Variants in EFCAB5 observed in about 807,000 individuals in gnomAD.
EFCAB5 encodes the protein EF-hand calcium binding domain 5, also known as EF-hand calcium-binding domain-containing protein 5.
In EFCAB5, 131 loss-of-function variants were observed where a neutral mutation model predicts 167.9. The ratio of observed to expected loss-of-function variants is 0.78; its 90% CI spans 0.68 to 0.90. EFCAB5 has a LOEUF of 0.90. Ranked by LOEUF, EFCAB5 falls within the 40% of genes least tolerant of loss-of-function variation. EFCAB5 has a pLI of 0.00. For missense variants in EFCAB5, 1,663 were observed against 1,745.2 expected, an observed-to-expected ratio of 0.95 and a Z score of 0.84; for synonymous variants, 574 against 602.8, an observed-to-expected ratio of 0.95 and a Z score of 0.70.
intron 4 of EFCAB5, among the ~76,000 whole-genome samples, chr17:29,974,620 G>T (rs2068027567): frequency 2.6e-5 from 4 of 151,730 alleles, no homozygotes; most frequent in African/African-American, 9.7e-5. Context: ...AAAAAAACAG[G>T]GATTAAATCC....
intron 3 of EFCAB5, among the ~76,000 whole-genome samples, chr17:29,955,699 G>A (rs1432267905): frequency 6.6e-6 from 1 of 152,096 alleles, no homozygotes; most frequent in Non-Finnish European, 1.5e-5. Context: ...TCATGCTCAT[G>A]TATTGGAAGA....
chr17:30,054,258 A>G (rs535010719), intron 10 of EFCAB5, 110 bp downstream of exon 10: 2 of 1,371,016 alleles, frequency 1.5e-6, no homozygotes, highest in South Asian at 1.6e-5. Flanking sequence ...GGCATATCAG[A>G]TCATGCAAAC....
At chr17:29,930,213 A>C (rs1032891475) in intron 1 of EFCAB5, 4 of 554,052 alleles carry the variant, frequency 7.2e-6, no homozygotes, top group Non-Finnish European at 1.3e-5. Flanking sequence ...GCGGTTCCGC[A>C]GCTGCGGGGC....
upstream of EFCAB5, among the ~76,000 whole-genome samples, chr17:29,939,874 A>G (rs1222372347): frequency 6.6e-6 from 1 of 152,196 alleles, no homozygotes; most frequent in African/African-American, 2.4e-5. Context: ...GAATTCTTCA[A>G]ACACTTTTTG....
intron 18 of EFCAB5, among the ~76,000 whole-genome samples, chr17:30,084,410 C>T (rs1313226502): frequency 6.6e-6 from 1 of 152,160 alleles, no homozygotes; most frequent in Non-Finnish European, 1.5e-5. Flanking sequence ...ATGGAAAAGC[C>T]AAAATAGCCC....
chr17:30,056,002 T>C, intron 11 of EFCAB5, 37 bp downstream of exon 11: 6 of 1,613,266 alleles, frequency 3.7e-6, no homozygotes, highest in Non-Finnish European at 5.1e-6. Flanking sequence ...ATTTATACCC[T>C]AGAACAAAAA....
At chr17:30,047,652 A>G (rs1300723996) in intron 8 of EFCAB5, among the ~76,000 whole-genome samples, 2 of 152,224 alleles carry the variant, frequency 1.3e-5, no homozygotes, top group African/African-American at 4.8e-5. Flanking sequence ...AATTACCATA[A>G]TGAACAGTGG....
At chr17:29,935,674 C>A (rs2067238700) in intron 1 of EFCAB5, among the ~76,000 whole-genome samples, 1 of 148,972 alleles carries the variant, frequency 6.7e-6, no homozygotes, top group East Asian at 2.0e-4. Flanking sequence ...TCTGAGGTAT[C>A]ACAATGGTGA....
chr17:29,956,547 C>T lies in EFCAB5; in HGVS notation c.191-12244C>T, dbSNP rs1207881188. 9.2e-5 allele frequency among the ~76,000 whole-genome samples: 14 copies of T among 152,234 alleles called. 1 individual carries two copies. The East Asian group carries it at 2.7e-3, about 29-fold the overall frequency. On this transcript the variant is annotated intron_variant, in intron 3 of 22. Coordinates refer to ENST00000394835, the MANE Select transcript of EFCAB5 (RefSeq NM_198529.4). ...GCTCACACTCAGCTACTTGTTACAA[C>T]AGTAGGTTATGGTCTTTTTACACAT... is the stretch of plus-strand genomic sequence containing the variant.
chr17:29,984,446 G>A (rs996223835), intron 4 of EFCAB5, among the ~76,000 whole-genome samples: 7 of 152,186 alleles, frequency 4.6e-5, no homozygotes, highest in Non-Finnish European at 1.0e-4. Context: ...AAGGCCAGGC[G>A]TGGTGGCTTA....
At chr17:30,106,927 C>G (rs1449431071) in intron 22 of EFCAB5, among the ~76,000 whole-genome samples, 2 of 152,152 alleles carry the variant, frequency 1.3e-5, no homozygotes, top group African/African-American at 4.8e-5. Flanking sequence ...GGCAACAGGG[C>G]AAGACCCTGT....
intron 13 of EFCAB5, 63 bp from the exon 14 acceptor site, chr17:30,059,482 A>G: frequency 6.9e-7 from 1 of 1,450,422 alleles, no homozygotes; most frequent in African/African-American, 1.4e-5. Flanking sequence ...GAATAAACAC[A>G]GAATGCTAGC....
intron 7 of EFCAB5, among the ~76,000 whole-genome samples, chr17:30,021,441 ATATT>A (rs1005806258): frequency 1.4e-5 from 2 of 147,878 alleles, no homozygotes; most frequent in Non-Finnish European, 3.0e-5. Context: ...TGTTTATTAA[ATATT>A]TATATATAAA....
intron 4 of EFCAB5, among the ~76,000 whole-genome samples, chr17:29,973,203 C>A (rs909255971): frequency 2.0e-5 from 3 of 152,148 alleles, no homozygotes; most frequent in Admixed American, 6.5e-5. Context: ...TGCCCTACCC[C>A]ACCCTGGAGG....
chr17:29,951,630 C>G (rs1033689393), intron 3 of EFCAB5, among the ~76,000 whole-genome samples: 3 of 152,022 alleles, frequency 2.0e-5, no homozygotes, highest in African/African-American at 7.3e-5. Flanking sequence ...GCTGGGATTA[C>G]AGGTGTGAGC....
At chr17:30,003,546 A>G (rs759889496) in intron 7 of EFCAB5, among the ~76,000 whole-genome samples, 2 of 150,176 alleles carry the variant, frequency 1.3e-5, no homozygotes, top group Admixed American at 6.6e-5. Context: ...TTGTTTTTTT[A>G]AGAAATGTGG....
At chr17:30,026,688 TTGA>T (rs937420911) in intron 7 of EFCAB5, among the ~76,000 whole-genome samples, 7 of 152,174 alleles carry the variant, frequency 4.6e-5, no homozygotes, top group Admixed American at 2.6e-4. Context: ...CTTCCCATCC[TTGA>T]TGATAAGAAT....
chr17:30,003,229 A>C (rs1338743961), intron 7 of EFCAB5, among the ~76,000 whole-genome samples: 1 of 151,480 alleles, frequency 6.6e-6, no homozygotes, highest in African/African-American at 2.4e-5. Context: ...TTATTTCAGT[A>C]GTTTTTGTTG....
intron 3 of EFCAB5, among the ~76,000 whole-genome samples, chr17:29,948,740 A>G (rs1597566241): frequency 6.6e-6 from 1 of 152,102 alleles, no homozygotes; most frequent in Non-Finnish European, 1.5e-5. Context: ...TCATTTCTTT[A>G]CCCTTGTTTT....
Sources: allele counts gnomAD v4.1 joint callset (sites outside exome capture counted in the v4.1 genomes callset), GRCh38; gene constraint gnomAD v4.1.1; transcripts MANE v1.5; gene names NCBI Gene and HGNC (gene_info 2026-07-23, HGNC 2026-07-21).